Variants in ZRANB1 observed in about 807,000 individuals in gnomAD.
ZRANB1 encodes the protein zinc finger RANBP2-type containing 1.
In ZRANB1, 16 loss-of-function variants were observed where a neutral mutation model predicts 80.5. The ratio of observed to expected loss-of-function variants is 0.20; its 90% CI spans 0.13 to 0.30. ZRANB1 has a LOEUF of 0.30. ZRANB1 is among the 10% of genes least tolerant of loss of function. The probability of loss-of-function intolerance (pLI) is 1.00; values close to 1 mark genes in which losing one functional copy is unlikely to be tolerated. For missense variants in ZRANB1, 576 were observed against 862.6 expected (o/e 0.67, Z 4.16); for synonymous variants, 291 against 293.1 (o/e 0.99, Z 0.07).
At chr10:124,944,589 G>A (rs1951564691) in intron 1 of ZRANB1, among the ~76,000 whole-genome samples, 1 of 139,044 alleles carries the variant, frequency 7.2e-6, no homozygotes, top group African/African-American at 2.7e-5. Context: ...GGGTTCAAGT[G>A]ACCTGCCATC....
At chr10:124,952,058 T>TAA (rs1423487289) in intron 1 of ZRANB1, among the ~76,000 whole-genome samples, 1 of 152,192 alleles carries the variant, frequency 6.6e-6, no homozygotes, top group Non-Finnish European at 1.5e-5. Flanking sequence ...GACTTCCTTA[T>TAA]AGGTTCATCT....
intron 6 of ZRANB1, among the ~76,000 whole-genome samples, chr10:124,982,583 CT>C (rs35537663): frequency 3.3e-5 from 5 of 150,834 alleles, no homozygotes; most frequent in Non-Finnish European, 4.4e-5. Flanking sequence ...ACAACTACTC[CT>C]TTTTTTTTGC....
intron 1 of ZRANB1, among the ~76,000 whole-genome samples, chr10:124,963,554 G>GTTTTTTTTTTTTTTTTTTTTTTTTTTGT (rs760813299): frequency 2.4e-4 from 14 of 57,522 alleles, no homozygotes; most frequent in Non-Finnish European, 3.9e-4. Flanking sequence ...TTTTTTGTTT[G>GTTTTTTTTTTTTTTTTTTTTTTTTTTGT]TTTTTTTTTT....
Position 124,942,381 on chromosome 10 carries a change from G to A in ZRANB1, c.-113G>A. 2.0e-6 allele frequency: 3 copies of A among 1,504,754 alleles called. No individual in the cohort carries two copies. Among genetic ancestry groups the A allele is most frequent in the South Asian group, 1.3e-5 (1 of 74,448 alleles). 93.2% of individuals were successfully genotyped at this position (1,504,754 alleles called of 1,614,324 possible). On this transcript the variant is annotated 5_prime_UTR_variant, in exon 1 of 9. Coordinates refer to ENST00000359653, the MANE Select transcript of ZRANB1 (RefSeq NM_017580.3). ...AGAAATTTATATTTTGTAGGTTGAA[G>A]GACTTGCTTTTTGGGCAGCGTATTT...
rs1383420674 is a variant in ZRANB1, at chr10:124,943,427, G to GT, written c.814+123dup. On this transcript the variant is annotated intron_variant, in intron 1 of 8. Transcript: ENST00000359653. ...CTTAGCCACTTGCTTGAAACCAGGA[G>GT]TTTGAGGCTGTAGTATGCCATGATC... 3 of 904,500 alleles carry GT rather than the reference G, an allele frequency of 3.3e-6. No homozygotes were observed. In the Admixed American group the frequency reaches 8.2e-5, roughly 25 times the overall value. 56.0% of individuals were successfully genotyped at this position (904,500 alleles called of 1,614,324 possible).
Position 124,974,289 on chromosome 10 carries a change from G to T in ZRANB1, c.1318G>T (p.Ala440Ser), listed in dbSNP as rs1218528500. ...ACTGTATGCACTTTGGAACCGGACT[G>T]CAGGAGACTGCCTACTTGATTCAGT... ...SRLYALWNRT[A>S]GDCLLDSVLQ... Residue 440 changes from alanine to serine, a missense_variant, in exon 5 of 9, where the codon GCA (alanine) becomes TCA (serine). Coordinates refer to ENST00000359653, the MANE Select transcript of ZRANB1 (RefSeq NM_017580.3). The T allele has an allele frequency of 4.3e-6, 7 of 1,614,126 alleles. No homozygotes were observed. The highest frequency in any genetic ancestry group is 5.9e-6 in the Non-Finnish European group (7 of 1,180,056).
intron 1 of ZRANB1, among the ~76,000 whole-genome samples, chr10:124,961,754 G>T (rs1350847094): frequency 6.6e-6 from 1 of 152,206 alleles, no homozygotes; most frequent in African/African-American, 2.4e-5. Context: ...TTTCTAAAGA[G>T]GATGTTTTAG....
chr10:124,933,840 G>A, the ZRANB1 span, among the ~76,000 whole-genome samples: 3 of 152,158 alleles, frequency 2.0e-5, no homozygotes, highest in Non-Finnish European at 2.9e-5. Flanking sequence ...TTACGATTGA[G>A]GAACTGAAGT....
chr10:124,982,633 T>C (rs995892329), intron 6 of ZRANB1, among the ~76,000 whole-genome samples: 2 of 152,088 alleles, frequency 1.3e-5, no homozygotes, highest in African/African-American at 2.4e-5. Flanking sequence ...GAGAAGGAGG[T>C]ACCCGATCTT....
the ZRANB1 span, among the ~76,000 whole-genome samples, chr10:124,917,879 C>G: frequency 6.6e-6 from 1 of 152,138 alleles, no homozygotes; most frequent in African/African-American, 2.4e-5. Context: ...TTTTTCTCTG[C>G]TATGGTTTGG....
At chr10:124,945,985 T>C (rs1328785285) in intron 1 of ZRANB1, 1 of 152,064 alleles carries the variant, frequency 6.6e-6, no homozygotes, top group Non-Finnish European at 1.5e-5. Context: ...GACGGGGTTT[T>C]ACCTTGTTAC....
chr10:124,978,793 A>ATTTTTTTT (rs35714295), intron 5 of ZRANB1, among the ~76,000 whole-genome samples: 78 of 115,354 alleles, frequency 6.8e-4, no homozygotes, highest in Non-Finnish European at 8.4e-4. Context: ...TTCCCAGCTA[A>ATTTTTTTT]TTTTTTTTTT....
intron 1 of ZRANB1, among the ~76,000 whole-genome samples, chr10:124,951,318 A>C (rs1951637153): frequency 6.6e-6 from 1 of 152,222 alleles, no homozygotes; most frequent in Non-Finnish European, 1.5e-5. Flanking sequence ...ATCCAAACAA[A>C]ATTAAATTAA....
At chr10:124,964,453 C>A (rs75919476) in intron 1 of ZRANB1, among the ~76,000 whole-genome samples, 20,142 of 152,038 alleles carry the variant, frequency 0.13, 1,510 homozygotes, top group African/African-American at 0.19. Context: ...AACAATAAAG[C>A]GATTTGAAGA....
Position 124,942,661 on chromosome 10 carries a change from C to A in ZRANB1, c.168C>A (p.Ser56=). Residue 56 remains serine (S), a synonymous_variant, in exon 1 of 9, where the codon TCC becomes TCA. Transcript: ENST00000359653. The part of the protein sequence containing the change: ...SSDVGRDWDP[S]STEGGSSPLI... ...ATGTTGGTAGAGATTGGGATCCTTC[C>A]AGCACCGAAGGAGGAAGTAGTCCTT... The A allele has an allele frequency of 1.2e-6, 2 of 1,614,184 alleles. No homozygotes were observed. The highest frequency in any genetic ancestry group is 1.7e-6 in the Non-Finnish European group (2 of 1,180,024).
the ZRANB1 span, among the ~76,000 whole-genome samples, chr10:124,917,625 C>T: frequency 3.1e-4 from 47 of 152,320 alleles, no homozygotes; most frequent in East Asian, 9.1e-3. Flanking sequence ...GGGTTTCGCT[C>T]CCACTCCGCA....
At chr10:124,945,593 G>A (rs1951575585) in intron 1 of ZRANB1, 2 of 151,992 alleles carry the variant, frequency 1.3e-5, no homozygotes, top group Admixed American at 1.3e-4. Context: ...TTAGGAATCA[G>A]GGCTTCATTT....
the ZRANB1 span, among the ~76,000 whole-genome samples, chr10:124,931,867 C>G: frequency 6.6e-6 from 1 of 152,150 alleles, no homozygotes; most frequent in East Asian, 1.9e-4. Flanking sequence ...CAGTAGGATT[C>G]ACTCTGTAGA....
At chr10:124,953,807 C>T (rs562633770) in intron 1 of ZRANB1, among the ~76,000 whole-genome samples, 1 of 152,284 alleles carries the variant, frequency 6.6e-6, no homozygotes, top group South Asian at 2.1e-4. Context: ...TTGAGATCAA[C>T]ATCTGTGAGT....
Sources: gnomAD v4.1 joint callset for allele counts (sites outside exome capture counted in the v4.1 genomes callset) on GRCh38, gnomAD v4.1.1 for gene constraint, MANE v1.5 for transcripts, NCBI Gene and HGNC (gene_info 2026-07-23, HGNC 2026-07-21) for gene names.